Variants in CNTNAP5 observed in about 807,000 individuals in gnomAD.
CNTNAP5 encodes the protein contactin-associated protein-like 5.
Under a neutral mutation model 150.2 loss-of-function variants are expected in CNTNAP5, and 72 were observed. The observed-to-expected ratio is 0.48, with a 90% CI of 0.40 to 0.58. The LOEUF (loss-of-function observed/expected upper bound fraction) is 0.58. Ranked by LOEUF, CNTNAP5 falls within the 20% of genes least tolerant of loss-of-function variation. The probability of loss-of-function intolerance (pLI) is 0.00; values close to 1 mark genes in which losing one functional copy is unlikely to be tolerated. For missense variants in CNTNAP5, 1,636 were observed against 1,626.2 expected, an observed-to-expected ratio of 1.01 and a Z score of -0.10; for synonymous variants, 672 against 619.8, an observed-to-expected ratio of 1.08 and a Z score of -1.25.
chr2:124,766,022 C>G (rs1681061432), intron 16 of CNTNAP5, among the ~76,000 whole-genome samples: 1 of 151,970 alleles, frequency 6.6e-6, no homozygotes, highest in Middle Eastern at 3.4e-3. Flanking sequence ...TGAAACAGAC[C>G]AACAAACGAT....
chr2:124,403,735 T>G (rs1481085790), intron 3 of CNTNAP5, among the ~76,000 whole-genome samples: 5 of 152,202 alleles, frequency 3.3e-5, no homozygotes, highest in Admixed American at 3.3e-4. Context: ...TCCGGTCTCA[T>G]GCTGCTAATA....
At chr2:124,811,550 G>A (rs370754208) in intron 19 of CNTNAP5, among the ~76,000 whole-genome samples, 4 of 152,070 alleles carry the variant, frequency 2.6e-5, no homozygotes, top group East Asian at 3.9e-4. Flanking sequence ...ATGACTATGT[G>A]GACAGTGGCA....
chr2:124,658,458 A>C (rs902086022), intron 13 of CNTNAP5, among the ~76,000 whole-genome samples: 1 of 151,894 alleles, frequency 6.6e-6, no homozygotes, highest in Admixed American at 6.6e-5. Context: ...TTTTTGTCAC[A>C]GTAAGGAACT....
At chr2:124,449,420 G>A (rs555258033) in intron 6 of CNTNAP5, among the ~76,000 whole-genome samples, 9 of 151,838 alleles carry the variant, frequency 5.9e-5, no homozygotes, top group Non-Finnish European at 1.0e-4. Flanking sequence ...TGGAAGTCTC[G>A]TCATTCCCCC....
intron 3 of CNTNAP5, among the ~76,000 whole-genome samples, chr2:124,290,410 A>G (rs1267404753): frequency 6.6e-6 from 1 of 152,158 alleles, no homozygotes; most frequent in Non-Finnish European, 1.5e-5. Flanking sequence ...AAGATCCTCT[A>G]CCTACTCTGA....
intron 1 of CNTNAP5, among the ~76,000 whole-genome samples, chr2:124,178,460 A>G (rs1337628580): frequency 2.6e-5 from 4 of 152,246 alleles, no homozygotes; most frequent in African/African-American, 9.6e-5. Flanking sequence ...CTCTAATTAT[A>G]GTCTAACCAA....
chr2:124,408,064 C>T (rs1436667951), intron 3 of CNTNAP5, among the ~76,000 whole-genome samples: 3 of 152,192 alleles, frequency 2.0e-5, no homozygotes, highest in African/African-American at 7.2e-5. Flanking sequence ...GGCATTGCCT[C>T]ACTTGGGAAG....
At chr2:124,377,548 G>A (rs147599586) in intron 3 of CNTNAP5, among the ~76,000 whole-genome samples, 351 of 151,870 alleles carry the variant, frequency 2.3e-3, no homozygotes, top group African/African-American at 8.1e-3. Flanking sequence ...GGTGGCATGC[G>A]CCTGTAATCC....
At chr2:124,289,235 T>C (rs1688225875) in intron 3 of CNTNAP5, among the ~76,000 whole-genome samples, 1 of 152,232 alleles carries the variant, frequency 6.6e-6, no homozygotes, top group African/African-American at 2.4e-5. Context: ...TAGACACCTA[T>C]CATTTTTGGC....
chr2:124,693,457 T>C (rs13002390), intron 13 of CNTNAP5, among the ~76,000 whole-genome samples: 59,914 of 151,904 alleles, frequency 0.39, 12,432 homozygotes, highest in African/African-American at 0.43. Flanking sequence ...GAAACCTCTT[T>C]AGTATGAGGA....
chr2:124,161,863 T>C (rs554579892), intron 1 of CNTNAP5, among the ~76,000 whole-genome samples: 1 of 152,306 alleles, frequency 6.6e-6, no homozygotes, highest in African/African-American at 2.4e-5. Context: ...AATTCATCTG[T>C]GAATTCAATA....
chr2:124,065,132 G>A (rs1266760586), intron 1 of CNTNAP5, among the ~76,000 whole-genome samples: 5 of 152,136 alleles, frequency 3.3e-5, no homozygotes, highest in Admixed American at 3.3e-4. Context: ...GAATTATGCA[G>A]ACTACCTTTT....
intron 10 of CNTNAP5, among the ~76,000 whole-genome samples, chr2:124,543,899 C>A (rs11890329): frequency 0.42 from 63,261 of 151,804 alleles, 13,677 homozygotes; most frequent in East Asian, 0.64. Context: ...TGGATTCTAA[C>A]TAGAATCACC....
intron 10 of CNTNAP5, among the ~76,000 whole-genome samples, chr2:124,534,571 C>T (rs1695185807): frequency 6.6e-6 from 1 of 152,136 alleles, no homozygotes; most frequent in Admixed American, 6.5e-5. Flanking sequence ...TGTATTTTCT[C>T]CCACACACAT....
In CNTNAP5 at chr2:124,920,611, A is replaced by C. The variant is rs569159119; in HGVS notation, c.*6323A>C. 3.0e-4 allele frequency among the ~76,000 whole-genome samples: 45 copies of C among 152,274 alleles called. No individual in the cohort carries two copies. Among genetic ancestry groups the C allele is most frequent in the African/African-American group, 1.1e-3 (44 of 41,572 alleles). On this transcript the variant is annotated 3_prime_UTR_variant, in exon 24 of 24. Coordinates refer to ENST00000682447, the MANE Select transcript of CNTNAP5 (RefSeq NM_001367498.1). ...AATCTGGCAGTTGACAGGCCTCCTG[A>C]TATCCTGTGTTGCCTTGGACTAACA...
chr2:124,175,835 G>A (rs923429193), intron 1 of CNTNAP5, among the ~76,000 whole-genome samples: 3 of 152,110 alleles, frequency 2.0e-5, no homozygotes, highest in Non-Finnish European at 4.4e-5. Flanking sequence ...TCTTTATGCA[G>A]TCCACAACTG....
At chr2:124,572,974 T>C (rs1407295637) in intron 11 of CNTNAP5, among the ~76,000 whole-genome samples, 2 of 152,204 alleles carry the variant, frequency 1.3e-5, no homozygotes, top group African/African-American at 4.8e-5. Flanking sequence ...ACTGCCACTT[T>C]TCTATGCATT....
intron 11 of CNTNAP5, among the ~76,000 whole-genome samples, chr2:124,598,184 TGAG>T (rs1485789262): frequency 1.4e-5 from 2 of 138,972 alleles, no homozygotes; most frequent in Non-Finnish European, 1.5e-5. Flanking sequence ...CCGTTGCTGG[TGAG>T]GAACTGCGTT....
At position 124,556,479 on chromosome 2, in the gene CNTNAP5, G is replaced by T. The variant is rs192147185; in HGVS notation, c.1650-6738G>T. Reference sequence around the variant, plus strand: ...AATTATTAAGATAGTCTTAAGGCTAGTTTAAGGTTATTGTATTTTAAAATA... The same window carrying T: ...AATTATTAAGATAGTCTTAAGGCTATTTTAAGGTTATTGTATTTTAAAATA... On this transcript the variant is annotated intron_variant, in intron 10 of 23. Transcript: ENST00000682447. 1.5e-3 allele frequency among the ~76,000 whole-genome samples: 234 copies of T among 152,270 alleles called. 2 individuals are homozygous for T. The highest frequency in any genetic ancestry group is 8.2e-3 in the Admixed American group (126 of 15,288).
Sources: allele counts gnomAD v4.1 joint callset (sites outside exome capture counted in the v4.1 genomes callset), GRCh38; gene constraint gnomAD v4.1.1; transcripts MANE v1.5; gene names NCBI Gene and HGNC (gene_info 2026-07-23, HGNC 2026-07-21).